RAD51C: variants seen among roughly 807,000 people sequenced by gnomAD.
The protein encoded by RAD51C is RAD51 paralog C.
RAD51C carries 42 observed loss-of-function variants against 45.0 expected under a neutral mutation model. The observed-to-expected ratio is 0.93, with a 90% CI of 0.73 to 1.21. RAD51C has a LOEUF of 1.21. RAD51C is among the 50% of genes most tolerant of loss of function. The probability of loss-of-function intolerance (pLI) is 0.00; values close to 1 mark genes in which losing one functional copy is unlikely to be tolerated. For synonymous variants in RAD51C, 172 were observed against 159.8 expected (o/e 1.08, Z -0.58); for missense variants, 474 against 452.2 (o/e 1.05, Z -0.44).
chr17:58,694,621 CG>C, intron 1 of RAD51C: 2 of 360,852 alleles, frequency 5.5e-6, no homozygotes, highest in South Asian at 4.5e-5. Context: ...AATTATAACG[CG>C]TGCCACCATG....
intron 5 of RAD51C, among the ~76,000 whole-genome samples, chr17:58,713,979 T>A (rs1437775208): frequency 6.6e-6 from 1 of 151,090 alleles, no homozygotes; most frequent in Admixed American, 6.6e-5. Context: ...ATTGATGGTC[T>A]CTCTCTTTTT....
At chr17:58,706,190 AG>A (rs2048373322) in intron 4 of RAD51C, among the ~76,000 whole-genome samples, 1 of 152,046 alleles carries the variant, frequency 6.6e-6, no homozygotes, top group Non-Finnish European at 1.5e-5. Context: ...GCACTTTGGG[AG>A]GCTGAGGCAG....
rs142916393 is a variant in RAD51C at position 58,717,625 on chromosome 17, A to G, written c.838-3121A>G. On this transcript the variant is annotated intron_variant, in intron 5 of 8. Coordinates refer to ENST00000337432, the MANE Select transcript of RAD51C (RefSeq NM_058216.3). Reference sequence around the variant, plus strand: ...GTAGCTCACACCTGTAATCCCAGCTACTCATGAGGCTGAGGCAGGGGAATC... The same window carrying G: ...GTAGCTCACACCTGTAATCCCAGCTGCTCATGAGGCTGAGGCAGGGGAATC... Among the ~76,000 whole-genome samples the G allele has an allele frequency of 5.7e-3, 867 of 152,208 alleles. 5 individuals are homozygous for G. The highest frequency in any genetic ancestry group is 9.2e-3 in the African/African-American group (380 of 41,528).
At chr17:58,719,918 C>G (rs979459824) in intron 5 of RAD51C, among the ~76,000 whole-genome samples, 1 of 150,826 alleles carries the variant, frequency 6.6e-6, no homozygotes, top group African/African-American at 2.4e-5. Context: ...TTAGTAGAGA[C>G]AGGGTTTCAC....
At chr17:58,702,901 C>T (rs975650355) in intron 3 of RAD51C, among the ~76,000 whole-genome samples, 3 of 151,844 alleles carry the variant, frequency 2.0e-5, no homozygotes, top group Admixed American at 6.6e-5. Context: ...GGGGCGGCGA[C>T]GGATAGCATT....
chr17:58,720,837 T>G (rs369022045), intron 6 of RAD51C, 25 bp downstream of exon 6: 4 of 1,571,756 alleles, frequency 2.5e-6, no homozygotes, highest in Non-Finnish European at 3.5e-6. Flanking sequence ...AGATAAACAT[T>G]TTAGTTTATC....
intron 4 of RAD51C, chr17:58,706,063 T>C (rs1027971240): frequency 1.3e-5 from 2 of 152,156 alleles, no homozygotes; most frequent in African/African-American, 2.4e-5. Flanking sequence ...AGGAAATGCA[T>C]AGGATGAACA....
intron 3 of RAD51C, among the ~76,000 whole-genome samples, chr17:58,701,267 G>A (rs8071729): frequency 1 from 151,992 of 151,996 alleles, 75,994 homozygotes; most frequent in Middle Eastern, 1. Context: ...CCAGCACTTC[G>A]GGAGGCAGAG....
intron 5 of RAD51C, among the ~76,000 whole-genome samples, chr17:58,714,583 C>T (rs1024628615): frequency 1.2e-4 from 19 of 152,228 alleles, no homozygotes; most frequent in Admixed American, 5.9e-4. Flanking sequence ...CTCAGCCTCC[C>T]GAGTAGCTGG....
chr17:58,707,189 A>G (rs2048403968), intron 4 of RAD51C, among the ~76,000 whole-genome samples: 1 of 152,172 alleles, frequency 6.6e-6, no homozygotes, highest in Non-Finnish European at 1.5e-5. Flanking sequence ...GCTTTCCTTC[A>G]GTTTCCAGTA....
At chr17:58,701,909 A>G (rs2048224705) in intron 3 of RAD51C, among the ~76,000 whole-genome samples, 1 of 152,050 alleles carries the variant, frequency 6.6e-6, no homozygotes, top group East Asian at 1.9e-4. Context: ...ATTTTATATA[A>G]TTGTTGCCAG....
intron 4 of RAD51C, among the ~76,000 whole-genome samples, chr17:58,703,681 A>G (rs926794501): frequency 2.6e-5 from 4 of 152,096 alleles, no homozygotes; most frequent in African/African-American, 9.7e-5. Flanking sequence ...ACTATTGGCC[A>G]GGTGCAGTGG....
rs786201828 is a variant in RAD51C, at chr17:58,696,817, A to G, written c.529A>G (p.Ile177Val). ...DRVVDLATACIQHLQLIAEKH... is the reference protein window; with the variant it reads ...DRVVDLATACVQHLQLIAEKH... ...AGTGGTAGACCTTGCTACTGCCTGC[A>G]TTCAGCACCTTCAGCTTATAGCAGA... The change falls in exon 3 of 9, where the codon ATT becomes GTT. Residue 177 changes from isoleucine (I) to valine (V), a missense_variant. Physicochemically the swap from Ile to Val is conservative, Grantham distance 29. Transcript: ENST00000337432. The G allele has an allele frequency of 1.2e-6, 2 of 1,614,212 alleles. No homozygotes were observed. Among genetic ancestry groups the G allele is most frequent in the Non-Finnish European group, 1.7e-6 (2 of 1,180,034 alleles).
chr17:58,723,975 C>T (rs930424636), intron 6 of RAD51C, 65 bp from the exon 7 acceptor site: 16 of 1,313,992 alleles, frequency 1.2e-5, no homozygotes, highest in Admixed American at 1.7e-5. Flanking sequence ...TGATCAGAGG[C>T]GTTCTGAGAA....
At chr17:58,693,870 A>G (rs2047894321) in intron 1 of RAD51C, 1 of 152,316 alleles carries the variant, frequency 6.6e-6, no homozygotes, top group Non-Finnish European at 1.5e-5. Context: ...CAGGCTCTTG[A>G]TAGGATTTTC....
At position 58,730,164 on chromosome 17, in the gene RAD51C, C is replaced by A. The variant is rs868305416; in HGVS notation, c.966-2320C>A. On this transcript the variant is annotated intron_variant, in intron 7 of 8. Coordinates refer to ENST00000337432, the MANE Select transcript of RAD51C (RefSeq NM_058216.3). ...TATAATTCCACTCAACACAGCTGTT[C>A]TTTTTTTTTTTTTTTTTTGAGATGG... Among the ~76,000 whole-genome samples, 3 of 121,912 alleles carry A rather than the reference C, an allele frequency of 2.5e-5. No individual in the cohort carries two copies. The East Asian group carries it at 6.7e-4, about 27-fold the overall frequency. 80.0% of individuals were successfully genotyped at this position (121,912 alleles called of 152,430 possible).
chr17:58,733,796 G>T (rs1177351926), intron 8 of RAD51C, among the ~76,000 whole-genome samples: 1 of 152,110 alleles, frequency 6.6e-6, no homozygotes, highest in Non-Finnish European at 1.5e-5. Flanking sequence ...TTGTCTCACT[G>T]CAACCTCCGC....
chr17:58,716,301 T>TA (rs966607587), intron 5 of RAD51C, among the ~76,000 whole-genome samples: 8 of 152,276 alleles, frequency 5.3e-5, no homozygotes, highest in Non-Finnish European at 1.0e-4. Context: ...TTCCTAAAGA[T>TA]ACGTAGTGCG....
At chr17:58,719,235 A>G (rs2048835949) in intron 5 of RAD51C, among the ~76,000 whole-genome samples, 1 of 151,858 alleles carries the variant, frequency 6.6e-6, no homozygotes, top group African/African-American at 2.4e-5. Context: ...CTTTTTTGAG[A>G]CAAGGTCTTG....
Sources: allele counts gnomAD v4.1 joint callset (sites outside exome capture counted in the v4.1 genomes callset), GRCh38; gene constraint gnomAD v4.1.1; transcripts MANE v1.5; gene names NCBI Gene and HGNC (gene_info 2026-07-23, HGNC 2026-07-21).